The following ARL13A variants were observed in gnomAD, a reference collection of about 807,000 sequenced individuals.
ARL13A encodes the protein ARF like GTPase 13A, also known as ADP-ribosylation factor-like protein 13A.
Under a neutral mutation model 19.1 loss-of-function variants are expected in ARL13A, and 16 were observed. That is an observed-to-expected ratio of 0.84 (90% confidence interval 0.57 to 1.27). ARL13A has a LOEUF of 1.27. Among genes scored for constraint, ARL13A ranks in the 50% most tolerant of loss-of-function variants. The pLI is 0.00. For synonymous variants in ARL13A, 69 were observed against 71.3 expected, an observed-to-expected ratio of 0.97 and a Z score of 0.17; for missense variants, 153 against 186.4, an observed-to-expected ratio of 0.82 and a Z score of 1.04.
chrX:100,990,495 A>G, intron 7 of ARL13A, 67 bp from the exon 8 acceptor site: 3 of 1,055,725 alleles, frequency 2.8e-6, no homozygotes, highest in Non-Finnish European at 2.4e-6. Context: ...CACTCCCCAT[A>G]CAACTCCACC....
At chrX:100,988,880 A>G (rs945524361) in intron 7 of ARL13A, among the ~76,000 whole-genome samples, 1 of 91,840 alleles carries the variant, frequency 1.1e-5, no homozygotes, top group East Asian at 3.3e-4. Flanking sequence ...ATATATATAT[A>G]TCAAGAATTT....
Position 100,982,470 on chromosome X carries a change from AAAATAAATAAAT to A in ARL13A, c.131-3169_131-3158del, listed in dbSNP as rs199792040. The stretch of plus-strand genomic sequence containing the variant: ...TGGTGCCACTGCACTCCAGGCTTAA[AAAATAAATAAAT>A]AAATAAATAAATAAATAAATAAATA... On this transcript the variant is annotated intron_variant, in intron 3 of 7. Coordinates refer to ENST00000450049, the MANE Select transcript of ARL13A (RefSeq NM_001162491.2). Among the ~76,000 whole-genome samples the A allele has an allele frequency of 4.0e-3, 364 of 91,287 alleles. 1 individual carries two copies. Among genetic ancestry groups the A allele is most frequent in the African/African-American group, 0.012 (315 of 25,284 alleles). The allele number at this position is 91,287 out of a possible 115,157, so 79.3% of individuals were successfully genotyped here. A position where few individuals can be genotyped will look rare whatever the true frequency, so the allele number is the denominator to read the frequency against.
chrX:100,974,370 C>T (rs960838043), intron 3 of ARL13A, among the ~76,000 whole-genome samples, 173 bp downstream of exon 3: 4 of 108,582 alleles, frequency 3.7e-5, no homozygotes, highest in African/African-American at 1.4e-4. Flanking sequence ...CTCTCTGTCT[C>T]TCTCTCTCTC....
chrX:100,987,311 T>C (rs2085949135), intron 5 of ARL13A, 79 bp from the exon 6 acceptor site: 1 of 999,278 alleles, frequency 1.0e-6, no homozygotes, highest in Non-Finnish European at 1.4e-6. Context: ...CTTCACTCTT[T>C]GAATGAGAGT....
chrX:100,979,781 G>A (rs895835666), intron 3 of ARL13A, among the ~76,000 whole-genome samples: 1 of 111,718 alleles, frequency 9.0e-6, no homozygotes, highest in African/African-American at 3.3e-5. Context: ...CAAATATTTG[G>A]TCACTGCAGC....
chrX:100,972,509 C>A (rs1214691970), intron 1 of ARL13A, among the ~76,000 whole-genome samples: 1 of 89,917 alleles, frequency 1.1e-5, no homozygotes, highest in Non-Finnish European at 2.3e-5. Flanking sequence ...ACCTCCCTCC[C>A]GGACGGGGCG....
chrX:100,977,697 T>C (rs2085789946), intron 3 of ARL13A, among the ~76,000 whole-genome samples: 1 of 112,112 alleles, frequency 8.9e-6, no homozygotes, highest in African/African-American at 3.2e-5. Flanking sequence ...TTCTACTCTT[T>C]ATCTCCATGA....
chrX:100,974,141 C>T lies in ARL13A; in HGVS notation c.74C>T (p.Pro25Leu). The change falls in exon 3 of 8, where the codon CCT becomes CTT. Residue 25 changes from proline (P) to leucine (L), a missense_variant. Coordinates refer to ENST00000450049, the MANE Select transcript of ARL13A (RefSeq NM_001162491.2). ...TTCATTTCTAGGAATGTGACCATCC[C>T]TATCATTGGCTTGAACAACTCTGGC... Reference protein sequence around the residue: ...TEETRRNVTIPIIGLNNSGKT... With the variant: ...TEETRRNVTILIIGLNNSGKT... 8.4e-7 allele frequency: 1 copy of T among 1,191,078 alleles called. No homozygotes were observed.
chrX:100,973,251 C>T (rs1442691913), intron 1 of ARL13A, among the ~76,000 whole-genome samples: 2 of 67,210 alleles, frequency 3.0e-5, no homozygotes, highest in Non-Finnish European at 5.7e-5. Context: ...GGCAGAGGGG[C>T]TCCTCACATC....
chrX:100,970,195 G>A (rs1231196804), intron 1 of ARL13A, among the ~76,000 whole-genome samples: 2 of 112,527 alleles, frequency 1.8e-5, no homozygotes, highest in Admixed American at 1.9e-4. Flanking sequence ...AGCTTCATGT[G>A]CAAAACTGGA....
At chrX:100,989,254 C>T (rs943553717) in intron 7 of ARL13A, among the ~76,000 whole-genome samples, 2 of 111,223 alleles carry the variant, frequency 1.8e-5, no homozygotes, top group South Asian at 3.8e-4. Flanking sequence ...CTGAAAGATA[C>T]TAGGTGGTTG....
chrX:100,974,880 G>T (rs1207975559), intron 3 of ARL13A, among the ~76,000 whole-genome samples: 2 of 111,440 alleles, frequency 1.8e-5, no homozygotes, highest in African/African-American at 6.5e-5. Flanking sequence ...GTATGATGAC[G>T]TGGTTGAGTT....
chrX:100,982,637 ATC>A (rs746472580), intron 3 of ARL13A, among the ~76,000 whole-genome samples: 39 of 91,322 alleles, frequency 4.3e-4, no homozygotes, highest in South Asian at 1.2e-3. Flanking sequence ...GGCCTATGGA[ATC>A]TACAGTTTTC....
At position 100,986,841 on chromosome X, in the gene ARL13A, T is replaced by C; in HGVS notation, c.426T>C (p.Asp142=). 8.3e-7 allele frequency: 1 copy of C among 1,206,978 alleles called. No homozygotes were observed. The highest frequency in any genetic ancestry group is 1.1e-6 in the Non-Finnish European group (1 of 892,821). The change falls in exon 5 of 8, where the codon GAT becomes GAC. Residue 142 remains aspartate (D), a synonymous_variant. Coordinates refer to ENST00000450049, the MANE Select transcript of ARL13A (RefSeq NM_001162491.2). The part of the protein sequence containing the change: ...QDKKKALMPC[D]IIDYLLLKKL... ...AGAAGAAAGCCCTCATGCCTTGTGA[T>C]ATTATTGACTATCTACTTCTAAAGA... is the stretch of plus-strand genomic sequence containing the variant.
intron 7 of ARL13A, among the ~76,000 whole-genome samples, chrX:100,988,841 TA>T (rs2085974052): frequency 2.8e-4 from 17 of 61,409 alleles, no homozygotes; most frequent in Non-Finnish European, 3.7e-4. Flanking sequence ...ATATATGAGA[TA>T]ATATATCTCA....
chrX:100,978,164 TGAG>T (rs764596609), intron 3 of ARL13A, among the ~76,000 whole-genome samples: 1 of 112,567 alleles, frequency 8.9e-6, no homozygotes, highest in African/African-American at 3.2e-5. Flanking sequence ...ATCAATATGC[TGAG>T]GAGAATAATG....
intron 3 of ARL13A, among the ~76,000 whole-genome samples, chrX:100,984,710 A>G: frequency 1.8e-5 from 2 of 112,011 alleles, no homozygotes. Flanking sequence ...GCAAGCACAA[A>G]AAGAGGTGAA....
intron 1 of ARL13A, among the ~76,000 whole-genome samples, chrX:100,973,439 G>C (rs774303173): frequency 9.3e-6 from 1 of 106,963 alleles, no homozygotes. Flanking sequence ...GCTCGCCGGC[G>C]CGGCGGCAAA....
intron 4 of ARL13A, 92 bp downstream of exon 4, chrX:100,986,008 C>T: frequency 1.9e-6 from 2 of 1,029,267 alleles, no homozygotes; most frequent in Non-Finnish European, 2.6e-6. Context: ...TTTGTCACAC[C>T]CAGCTAGGCC....
Sources: gnomAD v4.1 joint callset for allele counts (sites outside exome capture counted in the v4.1 genomes callset) on GRCh38, gnomAD v4.1.1 for gene constraint, MANE v1.5 for transcripts, NCBI Gene and HGNC (gene_info 2026-07-23, HGNC 2026-07-21) for gene names.